ADGRG6: variants seen among roughly 807,000 people sequenced by gnomAD.
The protein encoded by ADGRG6 is G-protein coupled receptor 126.
In ADGRG6, 84 loss-of-function variants were observed where a neutral mutation model predicts 142.4. The ratio of observed to expected loss-of-function variants is 0.59; its 90% CI spans 0.49 to 0.71. The LOEUF is 0.71. Ranked by LOEUF, ADGRG6 falls within the 30% of genes least tolerant of loss-of-function variation. ADGRG6 has a pLI of 0.00. For synonymous variants in ADGRG6, 521 were observed against 520.5 expected (o/e 1.00, Z -0.01); for missense variants, 1,367 against 1,466.6 (o/e 0.93, Z 1.11).
chr6:142,374,980 T>C (rs1781432979), intron 4 of ADGRG6, among the ~76,000 whole-genome samples: 1 of 152,162 alleles, frequency 6.6e-6, no homozygotes, highest in African/African-American at 2.4e-5. Flanking sequence ...ACAATAATCA[T>C]CATGTTGTAC....
rs918091718 is a variant in ADGRG6, at chr6:142,302,166, C to A, written c.-164C>A. On this transcript the variant is annotated 5_prime_UTR_variant, in exon 1 of 25. Coordinates refer to ENST00000367609, the MANE Select transcript of ADGRG6 (RefSeq NM_198569.3). ...GCGCCCAGGGTTCACCTTGCGCCGT[C>A]GGGAAAGCCCATGAACTCTCCAGAA... 2.9e-6 allele frequency: 2 copies of A among 686,264 alleles called. No individual in the cohort carries two copies. The highest frequency in any genetic ancestry group is 2.4e-6 in the Non-Finnish European group (1 of 424,434). The allele number at this position is 686,264 out of a possible 1,614,324, so 42.5% of individuals were successfully genotyped here. A position where few individuals can be genotyped will look rare whatever the true frequency, so the allele number is the denominator to read the frequency against.
intron 4 of ADGRG6, among the ~76,000 whole-genome samples, chr6:142,377,099 C>T (rs369997553): frequency 6.6e-6 from 1 of 152,152 alleles, no homozygotes; most frequent in South Asian, 2.1e-4. Context: ...GAAAACTTGG[C>T]TCTAAATGTT....
chr6:142,387,796 G>C (rs1373285984), intron 6 of ADGRG6, among the ~76,000 whole-genome samples: 4 of 152,270 alleles, frequency 2.6e-5, no homozygotes, highest in Middle Eastern at 3.4e-3. Flanking sequence ...CATTGGTAAT[G>C]GCAGACAGTG....
intron 4 of ADGRG6, 76 bp downstream of exon 4, chr6:142,370,869 T>C: frequency 7.2e-7 from 1 of 1,390,266 alleles, no homozygotes; most frequent in Non-Finnish European, 1.0e-6. Flanking sequence ...CAAAGAATTA[T>C]ACATACACAC....
chr6:142,418,295 T>TAAAAAAAAAA (rs541243272), intron 21 of ADGRG6, among the ~76,000 whole-genome samples: 1 of 79,786 alleles, frequency 1.3e-5, no homozygotes, highest in Admixed American at 1.5e-4. Context: ...AGACTCCATC[T>TAAAAAAAAAA]AAAAAAAAAA....
In ADGRG6 at chr6:142,415,861, A is replaced by G. The variant is rs1350309349; in HGVS notation, c.2735A>G (p.Asn912Ser). Residue 912 changes from asparagine (N) to serine (S), a missense_variant, in exon 20 of 25, where the codon AAT (asparagine) becomes AGT (serine). This residue lies in a region of ADGRG6 where 286 missense variants were observed against 371.4 expected (regional missense o/e 0.77). Coordinates refer to ENST00000367609, the MANE Select transcript of ADGRG6 (RefSeq NM_198569.3). ...CTGAGCACAGCCCTGCTGTTCCTGA[A>G]TCTCCTCTTCCTCCTAGATGGCTGG... is the stretch of plus-strand genomic sequence containing the variant. ...MNLSTALLFL[N>S]LLFLLDGWIT... is the part of the protein sequence containing the mutation. The G allele has an allele frequency of 6.2e-7, 1 of 1,612,470 alleles. No individual in the cohort carries two copies. The highest frequency in any genetic ancestry group is 1.7e-5 in the Admixed American group (1 of 59,918).
intron 8 of ADGRG6, among the ~76,000 whole-genome samples, chr6:142,393,251 A>G (rs1026186531): frequency 2.0e-5 from 3 of 148,050 alleles, no homozygotes; most frequent in African/African-American, 8.0e-5. Flanking sequence ...TAATGTGTCA[A>G]AAATTAAAAT....
intron 2 of ADGRG6, among the ~76,000 whole-genome samples, chr6:142,343,944 C>T (rs938857238): frequency 8.6e-5 from 13 of 151,822 alleles, no homozygotes; most frequent in Admixed American, 3.9e-4. Flanking sequence ...GCTTGAAGTT[C>T]GCAACACTGA....
intron 2 of ADGRG6, among the ~76,000 whole-genome samples, chr6:142,352,452 T>C (rs1038506809): frequency 2.4e-4 from 37 of 151,972 alleles, no homozygotes; most frequent in Admixed American, 2.4e-3. Context: ...CAGCAGACAC[T>C]AGGAACTGCT....
chr6:142,366,981 G>A (rs534937459), intron 2 of ADGRG6, among the ~76,000 whole-genome samples: 1 of 152,072 alleles, frequency 6.6e-6, no homozygotes, highest in African/African-American at 2.4e-5. Flanking sequence ...TGTTTGCAAG[G>A]TGATGCTATT....
At chr6:142,427,844 A>G (rs752242482) in intron 22 of ADGRG6, among the ~76,000 whole-genome samples, 3 of 152,146 alleles carry the variant, frequency 2.0e-5, no homozygotes, top group Non-Finnish European at 4.4e-5. Flanking sequence ...TAAAATCATC[A>G]GGTCTTGTGA....
intron 6 of ADGRG6, among the ~76,000 whole-genome samples, chr6:142,388,518 G>T (rs1257998886): frequency 6.6e-6 from 1 of 151,912 alleles, no homozygotes; most frequent in Non-Finnish European, 1.5e-5. Context: ...GAAAATACTG[G>T]AAAATATCAA....
chr6:142,416,765 A>T (rs1029281972), intron 20 of ADGRG6, among the ~76,000 whole-genome samples: 1 of 152,196 alleles, frequency 6.6e-6, no homozygotes, highest in African/African-American at 2.4e-5. Context: ...GCATTTCCCC[A>T]CTGAAATATA....
rs1781004298 is a variant in ADGRG6 at position 142,367,571 on chromosome 6, T to G, written c.106T>G (p.Trp36Gly). The stretch of plus-strand genomic sequence containing the variant: ...TCTCTCTTTTGTCTGGCCAGCAGTG[T>G]GGGGATGTGCCAACTGCCGAGTGGT... ...LYIMCVPHSV[W>G]GCANCRVVLS... The change falls in exon 3 of 25, where the codon TGG becomes GGG. Residue 36 changes from tryptophan (W) to glycine (G), a missense_variant and splice_region_variant. Coordinates refer to ENST00000367609, the MANE Select transcript of ADGRG6 (RefSeq NM_198569.3). 1.2e-6 allele frequency: 2 copies of G among 1,612,458 alleles called. No individual in the cohort carries two copies. The highest frequency in any genetic ancestry group is 1.7e-6 in the Non-Finnish European group (2 of 1,178,940).
chr6:142,402,785 A>C lies in ADGRG6; in HGVS notation c.1910A>C (p.Asn637Thr), dbSNP rs771180710. 6.2e-7 allele frequency: 1 copy of C among 1,604,722 alleles called. No homozygotes were observed. The highest frequency in any genetic ancestry group is 1.1e-5 in the South Asian group (1 of 90,602). Residue 637 changes from asparagine (N) to threonine (T), a missense_variant, in exon 13 of 25, where the codon AAT becomes ACT. Around this residue, in one of 3 missense-constraint regions of ADGRG6, gnomAD observed 737 missense variants for 746.5 expected, o/e 0.99. Coordinates refer to ENST00000367609, the MANE Select transcript of ADGRG6 (RefSeq NM_198569.3). ...LGSTLMNIFS[N>T]ILSSSDSDLL... Reference sequence around the variant, plus strand: ...TCAACTCTAATGAATATATTTTCTAATATCTTAAGCAGTTCAGACAGTGAC... The same window carrying C: ...TCAACTCTAATGAATATATTTTCTACTATCTTAAGCAGTTCAGACAGTGAC...
chr6:142,358,214 AATCCATATGGAAAGATT>A (rs1388059360), intron 2 of ADGRG6, among the ~76,000 whole-genome samples: 3 of 152,228 alleles, frequency 2.0e-5, no homozygotes, highest in African/African-American at 7.2e-5. Flanking sequence ...CTGCCTAGGT[AATCCATATGGAAAGATT>A]TTCTGTGACA....
intron 22 of ADGRG6, among the ~76,000 whole-genome samples, chr6:142,426,550 G>A (rs1223288615): frequency 6.6e-6 from 1 of 152,134 alleles, no homozygotes; most frequent in Non-Finnish European, 1.5e-5. Context: ...ACTTTTCCAG[G>A]CACACAGTGC....
intron 2 of ADGRG6, among the ~76,000 whole-genome samples, chr6:142,335,803 A>G (rs531002577): frequency 6.6e-6 from 1 of 152,118 alleles, no homozygotes; most frequent in Non-Finnish European, 1.5e-5. Flanking sequence ...GGTGTTATAG[A>G]CTACTTAATG....
chr6:142,437,648 G>A (rs552394396), intron 23 of ADGRG6, 113 bp downstream of exon 23: 294 of 666,964 alleles, frequency 4.4e-4, no homozygotes, highest in Non-Finnish European at 7.2e-4. Flanking sequence ...TTGAAGTGGA[G>A]CATGTGAAGA....
Sources: gnomAD v4.1 joint callset for allele counts (sites outside exome capture counted in the v4.1 genomes callset) on GRCh38, gnomAD v4.1.1 for gene constraint, gnomAD v4.1.1 regional missense constraint, MANE v1.5 for transcripts, NCBI Gene and HGNC (gene_info 2026-07-23, HGNC 2026-07-21) for gene names.